The following RPE variants were observed in gnomAD, a reference collection of about 807,000 sequenced individuals.
The protein encoded by RPE is ribulose-phosphate 3-epimerase.
In RPE, 16 loss-of-function variants were observed where a neutral mutation model predicts 24.6. The observed-to-expected ratio is 0.65, with a 90% CI of 0.44 to 0.99. The LOEUF (loss-of-function observed/expected upper bound fraction) is 0.99, where lower values mean the gene tolerates loss of function less well. Among genes scored for constraint, RPE ranks in the 50% least tolerant of loss-of-function variants. The probability of loss-of-function intolerance (pLI) is 0.00; values close to 1 mark genes in which losing one functional copy is unlikely to be tolerated. For synonymous variants in RPE, 93 were observed against 98.4 expected, an observed-to-expected ratio of 0.94 and a Z score of 0.33; for missense variants, 240 against 294.5, an observed-to-expected ratio of 0.81 and a Z score of 1.35.
chr2:210,003,494 T>C, intron 1 of RPE: 1 of 1,268,720 alleles, frequency 7.9e-7, no homozygotes, highest in Non-Finnish European at 1.0e-6. Context: ...GCACCGTAGT[T>C]ACAGCACATA....
chr2:210,009,813 C>G lies in RPE; in HGVS notation c.202+77C>G, dbSNP rs561462524. On this transcript the variant is annotated intron_variant, in intron 2 of 5. Coordinates refer to ENST00000359429, the MANE Select transcript of RPE (RefSeq NM_199229.3). The stretch of plus-strand genomic sequence containing the variant: ...AAACTGGATGGTTGATTTTAACTTC[C>G]AAGTTCATCTGGCACCCTTTCCCCA... The G allele has an allele frequency of 2.3e-5, 36 of 1,585,450 alleles. No individual in the cohort carries two copies. In the East Asian group the frequency reaches 6.0e-4, roughly 27 times the overall value.
intron 5 of RPE, among the ~76,000 whole-genome samples, chr2:210,018,955 T>A (rs990818043): frequency 5.9e-5 from 9 of 152,198 alleles, no homozygotes; most frequent in Non-Finnish European, 1.2e-4. Flanking sequence ...TTCCTCAGCC[T>A]GTGGTTCTCC....
intron 4 of RPE, 118 bp from the exon 5 acceptor site, chr2:210,017,355 A>G (rs373744535): frequency 2.0e-5 from 15 of 742,502 alleles, no homozygotes; most frequent in South Asian, 1.4e-4. Flanking sequence ...GTGTGAGACA[A>G]TTGGAGTTTT....
At chr2:210,019,427 T>C (rs2093826456) in intron 5 of RPE, among the ~76,000 whole-genome samples, 1 of 152,226 alleles carries the variant, frequency 6.6e-6, no homozygotes, top group African/African-American at 2.4e-5. Context: ...TATTAAGAGT[T>C]GGTTTACCAG....
chr2:210,004,124 T>C (rs1239029275), intron 1 of RPE, among the ~76,000 whole-genome samples: 1 of 152,210 alleles, frequency 6.6e-6, no homozygotes, highest in Non-Finnish European at 1.5e-5. Flanking sequence ...CAAAGGTAAG[T>C]AGCTACATTT....
At chr2:210,009,097 T>A (rs2093668058) in intron 1 of RPE, among the ~76,000 whole-genome samples, 1 of 152,230 alleles carries the variant, frequency 6.6e-6, no homozygotes, top group Non-Finnish European at 1.5e-5. Flanking sequence ...AGCATCTACT[T>A]TGTAAGGCTG....
At position 210,019,914 on chromosome 2, in the gene RPE, A is replaced by C. The variant is rs1314175592; in HGVS notation, c.*123A>C. 2 of 1,306,210 alleles carry C rather than the reference A, an allele frequency of 1.5e-6. No individual in the cohort carries two copies. The highest frequency in any genetic ancestry group is 3.0e-5 in the African/African-American group (2 of 66,962). The allele number at this position is 1,306,210 out of a possible 1,614,324, so 80.9% of individuals were successfully genotyped here. A position where few individuals can be genotyped will look rare whatever the true frequency, so the allele number is the denominator to read the frequency against. ...GCTTTTTTGAGCAGTTATTCATTCC[A>C]GTGATTAAAACTGATTGTGCAGAAT... On this transcript the variant is annotated 3_prime_UTR_variant, in exon 6 of 6. Coordinates refer to ENST00000359429, the MANE Select transcript of RPE (RefSeq NM_199229.3).
At chr2:210,012,068 T>C (rs1411289358) in intron 2 of RPE, among the ~76,000 whole-genome samples, 2 of 152,184 alleles carry the variant, frequency 1.3e-5, no homozygotes, top group African/African-American at 4.8e-5. Flanking sequence ...TTCTAGGACC[T>C]AGATTACATG....
chr2:210,009,139 C>T (rs750904943), intron 1 of RPE, among the ~76,000 whole-genome samples: 1 of 152,226 alleles, frequency 6.6e-6, no homozygotes, highest in Non-Finnish European at 1.5e-5. Flanking sequence ...AATTACGATG[C>T]TTGGCATGTA....
Position 210,019,546 on chromosome 2 carries a change from A to G in RPE, c.565-123A>G, listed in dbSNP as rs576280060. On this transcript the variant is annotated intron_variant, in intron 5 of 5. Transcript: ENST00000359429. The stretch of plus-strand genomic sequence containing the variant: ...GATTGCTTAAGTCTGCTTAATCTCA[A>G]AGTGGCTCTCATATGATTGAAATGT... The G allele has an allele frequency of 2.4e-5, 28 of 1,182,060 alleles. No individual in the cohort carries two copies. The African/African-American group carries it at 4.2e-4, about 18-fold the overall frequency. The allele number at this position is 1,182,060 out of a possible 1,614,324, so 73.2% of individuals were successfully genotyped here. A position where few individuals can be genotyped will look rare whatever the true frequency, so the allele number is the denominator to read the frequency against.
intron 2 of RPE, 59 bp downstream of exon 2, chr2:210,009,795 A>G (rs2125065498): frequency 1.2e-6 from 2 of 1,607,772 alleles, no homozygotes; most frequent in East Asian, 2.2e-5. Flanking sequence ...GGAAAACTGG[A>G]TGGTTGATTT....
chr2:210,003,251 C>T (rs2093586611), intron 1 of RPE, among the ~76,000 whole-genome samples: 1 of 152,186 alleles, frequency 6.6e-6, no homozygotes, highest in African/African-American at 2.4e-5. Context: ...AGCCACTAAC[C>T]TCATTGAGCT....
At chr2:210,009,568 T>C (rs1575303358) in intron 1 of RPE, 89 bp from the exon 2 acceptor site, 1 of 1,502,178 alleles carries the variant, frequency 6.7e-7, no homozygotes, top group South Asian at 1.1e-5. Context: ...TTGCAGACAA[T>C]CCCCTCAACC....
At position 210,019,657 on chromosome 2, in the gene RPE, T is replaced by A. The variant is rs372082458; in HGVS notation, c.565-12T>A. On this transcript the variant is annotated splice_polypyrimidine_tract_variant and intron_variant, in intron 5 of 5. Coordinates refer to ENST00000359429, the MANE Select transcript of RPE (RefSeq NM_199229.3). ...TCCTTTGAGGCATAACCTAACTGTT[T>A]ACTTCTTCCAGGCAGGAGCTAACAT... The A allele has an allele frequency of 6.8e-6, 11 of 1,611,690 alleles. No individual in the cohort carries two copies. Among genetic ancestry groups the A allele is most frequent in the Non-Finnish European group, 9.3e-6 (11 of 1,178,686 alleles).
At chr2:210,006,869 C>T (rs942127901) in intron 1 of RPE, among the ~76,000 whole-genome samples, 3 of 152,166 alleles carry the variant, frequency 2.0e-5, no homozygotes, top group African/African-American at 7.2e-5. Context: ...CCTCCAAAGA[C>T]CAAGGTGTTA....
intron 2 of RPE, among the ~76,000 whole-genome samples, chr2:210,013,457 A>G (rs2093728436): frequency 6.6e-6 from 1 of 151,896 alleles, no homozygotes; most frequent in Non-Finnish European, 1.5e-5. Flanking sequence ...CTGGGACTGC[A>G]GGGGCACACT....
intron 1 of RPE, chr2:210,003,562 C>T (rs999798535): frequency 2.9e-6 from 2 of 701,608 alleles, no homozygotes; most frequent in Non-Finnish European, 4.3e-6. Flanking sequence ...GAGGAAACAA[C>T]CCCAGAGAAA....
At chr2:210,015,944 T>C in intron 2 of RPE, 29 bp from the exon 3 acceptor site, 1 of 1,605,704 alleles carries the variant, frequency 6.2e-7, no homozygotes, top group South Asian at 1.1e-5. Context: ...TATTTTTCAG[T>C]AATATTTTGA....
At chr2:210,007,712 C>T (rs1231859059) in intron 1 of RPE, among the ~76,000 whole-genome samples, 2 of 152,168 alleles carry the variant, frequency 1.3e-5, no homozygotes, top group Non-Finnish European at 2.9e-5. Flanking sequence ...TTCTCTAATA[C>T]TTGCTCTTAT....
Sources: allele counts gnomAD v4.1 joint callset (sites outside exome capture counted in the v4.1 genomes callset), GRCh38; gene constraint gnomAD v4.1.1; transcripts MANE v1.5; gene names NCBI Gene and HGNC (gene_info 2026-07-23, HGNC 2026-07-21).